RBFOX1: variants seen among roughly 807,000 people sequenced by gnomAD.
RBFOX1 encodes RNA binding fox-1 homolog 1.
Under a neutral mutation model 57.7 loss-of-function variants are expected in RBFOX1, and 8 were observed. The observed-to-expected ratio is 0.14, with a 90% CI of 0.08 to 0.25. RBFOX1 has a LOEUF of 0.25. Ranked by LOEUF, RBFOX1 falls within the 10% of genes least tolerant of loss-of-function variation. The probability of loss-of-function intolerance (pLI) is 1.00; values close to 1 mark genes in which losing one functional copy is unlikely to be tolerated. For missense variants in RBFOX1, 611 were observed against 548.5 expected (o/e 1.11, Z -1.14); for synonymous variants, 326 against 222.4 (o/e 1.47, Z -4.15).
At chr16:6,069,252 G>C (rs2095805020) in intron 1 of RBFOX1, among the ~76,000 whole-genome samples, 1 of 152,008 alleles carries the variant, frequency 6.6e-6, no homozygotes, top group Non-Finnish European at 1.5e-5. Context: ...TACAAAATTA[G>C]CTGGGCGTAG....
At chr16:7,641,691 G>C (rs560554691) in intron 11 of RBFOX1, among the ~76,000 whole-genome samples, 6 of 152,240 alleles carry the variant, frequency 3.9e-5, no homozygotes, top group Admixed American at 2.0e-4. Flanking sequence ...CCCACTAGTG[G>C]TTTTACAGCA....
At chr16:7,517,138 C>CGT (rs200887129) in intron 4 of RBFOX1, among the ~76,000 whole-genome samples, 4,068 of 130,084 alleles carry the variant, frequency 0.031, 95 homozygotes, top group African/African-American at 0.066. Flanking sequence ...TTTCTTATGC[C>CGT]GTGTGTGTGT....
intron 1 of RBFOX1, among the ~76,000 whole-genome samples, chr16:5,367,515 C>T (rs903516003): frequency 6.6e-6 from 1 of 152,110 alleles, no homozygotes; most frequent in Non-Finnish European, 1.5e-5. Flanking sequence ...AAGGAGGAGC[C>T]CAGAGTGGCA....
At position 5,648,321 on chromosome 16, in the gene RBFOX1, G is replaced by GC. The variant is rs1260129463; in HGVS notation, c.318+49361dup. On this transcript the variant is annotated intron_variant, in intron 3 of 19. Transcript: ENST00000641259. ...TCACAACCTCACTTTCTTAGGTAGT[G>GC]CAACTAAAAAACCAGAGTAAGAGAA... Among the ~76,000 whole-genome samples the GC allele has an allele frequency of 2.0e-5, 3 of 152,224 alleles. No individual in the cohort carries two copies. The East Asian group carries it at 5.8e-4, about 29-fold the overall frequency.
chr16:7,049,042 G>A (rs1167774339), intron 3 of RBFOX1, among the ~76,000 whole-genome samples: 3 of 151,948 alleles, frequency 2.0e-5, no homozygotes, highest in African/African-American at 7.3e-5. Flanking sequence ...AACATTTTAG[G>A]GTCAGATACA....
chr16:6,625,385 G>A (rs935455573), intron 2 of RBFOX1, among the ~76,000 whole-genome samples: 3 of 152,140 alleles, frequency 2.0e-5, no homozygotes, highest in Non-Finnish European at 4.4e-5. Flanking sequence ...GAGTGAATCA[G>A]TGAATGACTG....
chr16:7,613,820 G>C (rs1037761366), intron 10 of RBFOX1, among the ~76,000 whole-genome samples: 2 of 151,894 alleles, frequency 1.3e-5, no homozygotes, highest in African/African-American at 4.8e-5. Context: ...CTACAATTTG[G>C]ATACAATAGC....
chr16:6,922,077 C>G (rs748564512), intron 3 of RBFOX1, among the ~76,000 whole-genome samples: 3 of 152,198 alleles, frequency 2.0e-5, no homozygotes, highest in Non-Finnish European at 4.4e-5. Context: ...AGGTTAATCA[C>G]TGCCCAGATT....
intron 1 of RBFOX1, among the ~76,000 whole-genome samples, chr16:6,085,245 G>C (rs1209242313): frequency 2.0e-5 from 3 of 152,082 alleles, no homozygotes; most frequent in South Asian, 2.1e-4. Flanking sequence ...GCCTGACTTT[G>C]AGGCTTACAC....
At chr16:6,885,125 A>G (rs1417565313) in intron 3 of RBFOX1, among the ~76,000 whole-genome samples, 1 of 152,142 alleles carries the variant, frequency 6.6e-6, no homozygotes, top group African/African-American at 2.4e-5. Context: ...CGGAAGGAGG[A>G]AAGTCTCAAG....
At chr16:5,983,935 C>CTCCCCCTCCTCA (rs2060227093) in intron 4 of RBFOX1, among the ~76,000 whole-genome samples, 1 of 145,678 alleles carries the variant, frequency 6.9e-6, no homozygotes, top group African/African-American at 2.5e-5. Context: ...CCCCCTCCTC[C>CTCCCCCTCCTCA]TCCTCCTCTT....
chr16:7,711,678 C>G lies in RBFOX1; in HGVS notation c.*933C>G, dbSNP rs1386334069. The G allele has an allele frequency of 6.6e-6, 1 of 152,520 alleles. No homozygotes were observed. The highest frequency in any genetic ancestry group is 1.9e-4 in the East Asian group (1 of 5,170). 9.4% of individuals were successfully genotyped at this position (152,520 alleles called of 1,614,324 possible). A position where few individuals can be genotyped will look rare whatever the true frequency, so the allele number is the denominator to read the frequency against. ...AGTTAAAAAAAATGTATAAAATTTA[C>G]ATCTGTGCAGTGGAGTTGTTAAGTT... is the stretch of plus-strand genomic sequence containing the variant. On this transcript the variant is annotated 3_prime_UTR_variant, in exon 16 of 16. Transcript: ENST00000550418.
intron 2 of RBFOX1, among the ~76,000 whole-genome samples, chr16:5,556,873 A>G (rs975589553): frequency 6.6e-6 from 1 of 152,184 alleles, no homozygotes; most frequent in African/African-American, 2.4e-5. Flanking sequence ...CACAGTTTAT[A>G]TGTCCATTTT....
intron 4 of RBFOX1, among the ~76,000 whole-genome samples, chr16:7,378,994 C>T (rs2097736502): frequency 6.6e-6 from 1 of 152,198 alleles, no homozygotes; most frequent in Non-Finnish European, 1.5e-5. Context: ...GGACTGCAAG[C>T]TTAGATATCT....
chr16:7,709,221 C>A, intron 15 of RBFOX1, 90 bp downstream of exon 15: 1 of 1,250,266 alleles, frequency 8.0e-7, no homozygotes, highest in Non-Finnish European at 1.1e-6. Context: ...CGTCCTCTCA[C>A]TTCCCGTTAA....
chr16:7,240,969 TC>T (rs996274160), intron 4 of RBFOX1, among the ~76,000 whole-genome samples: 3 of 152,222 alleles, frequency 2.0e-5, no homozygotes, highest in Admixed American at 6.5e-5. Flanking sequence ...ATTCTACTTT[TC>T]CCCCACACCT....
At chr16:7,273,505 C>T (rs900451055) in intron 4 of RBFOX1, among the ~76,000 whole-genome samples, 4 of 152,012 alleles carry the variant, frequency 2.6e-5, no homozygotes, top group Admixed American at 2.6e-4. Context: ...AGTGGAAATC[C>T]CAGCTTTAGC....
chr16:5,601,226 C>T (rs931023707), downstream of RBFOX1: 2 of 152,352 alleles, frequency 1.3e-5, no homozygotes, highest in African/African-American at 4.8e-5. Context: ...CTCAGGGTCC[C>T]ATGTGAGCTG....
chr16:6,220,999 A>T (rs760105731), intron 1 of RBFOX1, among the ~76,000 whole-genome samples: 4 of 151,930 alleles, frequency 2.6e-5, no homozygotes, highest in African/African-American at 9.7e-5. Flanking sequence ...TAGCTATATA[A>T]CATTTAATTG....
Sources: gnomAD v4.1 joint callset for allele counts (sites outside exome capture counted in the v4.1 genomes callset) on GRCh38, gnomAD v4.1.1 for gene constraint, MANE v1.5 for transcripts, NCBI Gene and HGNC (gene_info 2026-07-23, HGNC 2026-07-21) for gene names.